The following ADAMTSL1 variants were observed in gnomAD, a reference collection of about 807,000 sequenced individuals.
The protein encoded by ADAMTSL1 is ADAMTS-like protein 1.
ADAMTSL1 carries 126 observed loss-of-function variants against 201.8 expected under a neutral mutation model. That is an observed-to-expected ratio of 0.62 (90% CI 0.54 to 0.72). ADAMTSL1 has a LOEUF of 0.72. ADAMTSL1 is among the 30% of genes least tolerant of loss of function. The pLI, the probability that ADAMTSL1 is intolerant of heterozygous loss-of-function variation, is 0.00. For synonymous variants in ADAMTSL1, 1,121 were observed against 903.4 expected (o/e 1.24, Z -4.32); for missense variants, 2,679 against 2,277.8 (o/e 1.18, Z -3.59).
At chr9:18,117,588 A>G (rs112706650) in intron 1 of ADAMTSL1, among the ~76,000 whole-genome samples, 1 of 152,030 alleles carries the variant, frequency 6.6e-6, no homozygotes, top group African/African-American at 2.4e-5. Context: ...ACTACTCCCA[A>G]CACCTCTTCC....
intron 1 of ADAMTSL1, among the ~76,000 whole-genome samples, chr9:18,114,718 T>C (rs1344634174): frequency 6.6e-6 from 1 of 152,122 alleles, no homozygotes; most frequent in Admixed American, 6.6e-5. Context: ...TGATGAATAT[T>C]GGCAGCCTAC....
At chr9:18,284,402 G>T (rs1419146566) in intron 2 of ADAMTSL1, among the ~76,000 whole-genome samples, 1 of 151,916 alleles carries the variant, frequency 6.6e-6, no homozygotes, top group East Asian at 1.9e-4. Flanking sequence ...TCTACCATTA[G>T]AACTTTCCAT....
In ADAMTSL1 at chr9:18,662,054, T is replaced by G. The variant is rs1397866446; in HGVS notation, c.1066T>G (p.Leu356Val). ...CAAACCCAAGCTTCAGGAGTGCAACTTGGATCCTTGTCCAGCCAGGTCAGT... is the reference window on the plus strand; with the variant it reads ...CAAACCCAAGCTTCAGGAGTGCAACGTGGATCCTTGTCCAGCCAGGTCAGT... ...KPKPKLQECN[L>V]DPCPASDGYK... Residue 356 changes from leucine to valine, a missense_variant, in exon 9 of 29, where the codon TTG becomes GTG. By Grantham distance (32) the Leu-to-Val change is conservative. Transcript: ENST00000380548. 5 of 1,613,826 alleles carry G rather than the reference T, an allele frequency of 3.1e-6. No homozygotes were observed. The highest frequency in any genetic ancestry group is 4.2e-6 in the Non-Finnish European group (5 of 1,179,876).
chr9:18,781,403 C>A (rs975365280), intron 19 of ADAMTSL1, among the ~76,000 whole-genome samples: 2 of 152,180 alleles, frequency 1.3e-5, no homozygotes, highest in African/African-American at 4.8e-5. Flanking sequence ...TAAGACATTT[C>A]CCTTTCTGAC....
chr9:18,268,011 G>A (rs1402223521), intron 2 of ADAMTSL1, among the ~76,000 whole-genome samples: 1 of 152,102 alleles, frequency 6.6e-6, no homozygotes, highest in Non-Finnish European at 1.5e-5. Flanking sequence ...GTGCTTAGAA[G>A]TAAAATGTAT....
At position 18,196,003 on chromosome 9, in the gene ADAMTSL1, C is replaced by G. The variant is rs184471466; in HGVS notation, c.207+32022C>G. Among the ~76,000 whole-genome samples, 4 of 152,220 alleles carry G rather than the reference C, an allele frequency of 2.6e-5. No homozygotes were observed. In the East Asian group the frequency reaches 7.8e-4, roughly 30 times the overall value. On this transcript the variant is annotated intron_variant, in intron 2 of 29. Coordinates refer to the ADAMTSL1 transcript ENST00000680146. ...AAGAAAAAAAACAATTCATACATCA[C>G]TTCCTATTTTCTGTTAGGACTGGTC...
At chr9:18,328,994 A>G (rs1308679019) in intron 2 of ADAMTSL1, among the ~76,000 whole-genome samples, 1 of 152,114 alleles carries the variant, frequency 6.6e-6, no homozygotes, top group Non-Finnish European at 1.5e-5. Flanking sequence ...ACCCTTTGCT[A>G]TAGTCTGAAT....
intron 5 of ADAMTSL1, among the ~76,000 whole-genome samples, chr9:18,634,539 A>C (rs1826975963): frequency 6.6e-6 from 1 of 151,818 alleles, no homozygotes; most frequent in African/African-American, 2.4e-5. Flanking sequence ...GCGAGACCCT[A>C]TCTCAAAATA....
chr9:18,269,581 A>T lies in ADAMTSL1; in HGVS notation c.207+105600A>T, dbSNP rs12685154. The stretch of plus-strand genomic sequence containing the variant: ...TTTGGCAATGGTTTTCCTTCAAAAC[A>T]TAGAACCAATTAGATCATAATAATC... On this transcript the variant is annotated intron_variant, in intron 2 of 29. Coordinates refer to the ADAMTSL1 transcript ENST00000680146. Among the ~76,000 whole-genome samples, 6 of 152,326 alleles carry T rather than the reference A, an allele frequency of 3.9e-5. No individual in the cohort carries two copies. The East Asian group carries it at 1.2e-3, about 29-fold the overall frequency.
At chr9:18,195,920 A>G (rs1829155409) in intron 2 of ADAMTSL1, among the ~76,000 whole-genome samples, 1 of 152,128 alleles carries the variant, frequency 6.6e-6, no homozygotes, top group Admixed American at 6.6e-5. Flanking sequence ...TTTTTTGGAA[A>G]TTATTTTAGC....
At chr9:18,701,212 C>CTTTT (rs35537367) in intron 13 of ADAMTSL1, among the ~76,000 whole-genome samples, 10 of 87,680 alleles carry the variant, frequency 1.1e-4, no homozygotes, top group Admixed American at 1.4e-4. Flanking sequence ...CTTTTGGGTT[C>CTTTT]TTTTTTTTTT....
At chr9:18,404,904 C>T (rs1257411173) in intron 2 of ADAMTSL1, among the ~76,000 whole-genome samples, 1 of 152,166 alleles carries the variant, frequency 6.6e-6, no homozygotes. Context: ...GTTCCACATG[C>T]ACCCCTCCCC....
chr9:18,086,726 C>T (rs1269573281), intron 1 of ADAMTSL1, among the ~76,000 whole-genome samples: 2 of 152,104 alleles, frequency 1.3e-5, no homozygotes, highest in Non-Finnish European at 2.9e-5. Context: ...TTTTGTACAA[C>T]AAGGATGGTT....
At chr9:18,010,841 C>T (rs1586891229) in intron 1 of ADAMTSL1, among the ~76,000 whole-genome samples, 1 of 151,996 alleles carries the variant, frequency 6.6e-6, no homozygotes, top group South Asian at 2.1e-4. Flanking sequence ...ATGTAATACA[C>T]AATTAGTTTT....
chr9:18,838,070 A>G (rs183280722), intron 23 of ADAMTSL1, among the ~76,000 whole-genome samples: 2 of 152,122 alleles, frequency 1.3e-5, no homozygotes, highest in Admixed American at 1.3e-4. Flanking sequence ...GGTTTAATGG[A>G]CTTACAGTTC....
intron 15 of ADAMTSL1, among the ~76,000 whole-genome samples, chr9:18,743,172 A>G (rs1818939854): frequency 6.6e-6 from 1 of 152,188 alleles, no homozygotes; most frequent in Non-Finnish European, 1.5e-5. Context: ...GTTTTAATTA[A>G]ATCAAGCTCT....
intron 15 of ADAMTSL1, among the ~76,000 whole-genome samples, chr9:18,722,863 T>C (rs996808154): frequency 3.3e-5 from 5 of 152,238 alleles, no homozygotes; most frequent in African/African-American, 1.2e-4. Flanking sequence ...AGTCAGGTCC[T>C]GTACATGAAA....
rs67090987 is a variant in ADAMTSL1 at position 18,356,604 on chromosome 9, A to AACACACACAC, written c.208-148201_208-148192dup. ...TATGCAGCTACTCAATACACAATAA[A>AACACACACAC]ACACACACACACACACACACACACA... On this transcript the variant is annotated intron_variant, in intron 2 of 29. Transcript: ENST00000680146. Among the ~76,000 whole-genome samples the AACACACACAC allele has an allele frequency of 1.1e-3, 162 of 143,550 alleles. 1 individual carries two copies. Among genetic ancestry groups the AACACACACAC allele is most frequent in the African/African-American group, 3.9e-3 (150 of 38,492 alleles). 94.2% of individuals were successfully genotyped at this position (143,550 alleles called of 152,430 possible). A position where few individuals can be genotyped will look rare whatever the true frequency, so the allele number is the denominator to read the frequency against.
At chr9:18,793,745 CAGG>C in intron 19 of ADAMTSL1, among the ~76,000 whole-genome samples, 2 of 152,096 alleles carry the variant, frequency 1.3e-5, no homozygotes, top group African/African-American at 4.8e-5. Flanking sequence ...AAGTACCTGT[CAGG>C]TCTAGGCACC....
Sources: gnomAD v4.1 joint callset for allele counts (sites outside exome capture counted in the v4.1 genomes callset) on GRCh38, gnomAD v4.1.1 for gene constraint, MANE v1.5 for transcripts, NCBI Gene and HGNC (gene_info 2026-07-23, HGNC 2026-07-21) for gene names.